Variants in TMEM132B observed in about 807,000 individuals in gnomAD.
The protein encoded by TMEM132B is transmembrane protein 132B.
Under a neutral mutation model 90.8 loss-of-function variants are expected in TMEM132B, and 18 were observed. That is an observed-to-expected ratio of 0.20 (90% CI 0.14 to 0.29). The LOEUF is 0.29. Among genes scored for constraint, TMEM132B ranks in the 10% least tolerant of loss-of-function variants. The pLI is 1.00. For missense variants in TMEM132B, 1,096 were observed against 1,326.8 expected, an observed-to-expected ratio of 0.83 and a Z score of 2.70; for synonymous variants, 504 against 523.3, an observed-to-expected ratio of 0.96 and a Z score of 0.50.
At chr12:125,612,841 A>T (rs1163578705) in intron 5 of TMEM132B, among the ~76,000 whole-genome samples, 6 of 76,356 alleles carry the variant, frequency 7.9e-5, no homozygotes, top group African/African-American at 2.3e-4. Flanking sequence ...TGTTTATATT[A>T]TATATATATT....
intron 1 of TMEM132B, among the ~76,000 whole-genome samples, chr12:125,336,808 C>A (rs542566498): frequency 6.6e-6 from 1 of 152,230 alleles, no homozygotes. Context: ...CCCGGGGCTC[C>A]AGCCCAGGTG....
Position 125,658,166 on chromosome 12 carries a change from T to C in TMEM132B, c.*3456T>C, listed in dbSNP as rs1887114719. The C allele has an allele frequency of 6.6e-6, 1 of 152,252 alleles. No individual in the cohort carries two copies. Among genetic ancestry groups the C allele is most frequent in the Non-Finnish European group, 1.5e-5 (1 of 68,046 alleles). The allele number at this position is 152,252 out of a possible 1,614,324, so 9.4% of individuals were successfully genotyped here. On this transcript the variant is annotated 3_prime_UTR_variant, in exon 9 of 9. Transcript: ENST00000682704. Reference sequence around the variant, plus strand: ...TCCCAGACTATAATAATCCTGACTATGTAGACGGAAGTTTCTATTTATAAA... The same window carrying C: ...TCCCAGACTATAATAATCCTGACTACGTAGACGGAAGTTTCTATTTATAAA...
chr12:125,336,798 C>G (rs1566005633), intron 1 of TMEM132B, among the ~76,000 whole-genome samples: 1 of 152,204 alleles, frequency 6.6e-6, no homozygotes, highest in East Asian at 1.9e-4. Flanking sequence ...TGATGGCAGA[C>G]CCGGGGCTCC....
intron 3 of TMEM132B, among the ~76,000 whole-genome samples, chr12:125,428,315 CT>C (rs1880390651): frequency 6.6e-6 from 1 of 151,962 alleles, no homozygotes; most frequent in Admixed American, 6.6e-5. Flanking sequence ...TTTATTTGGC[CT>C]TTTGTGTTGG....
intron 1 of TMEM132B, among the ~76,000 whole-genome samples, chr12:125,343,157 G>A (rs148147538): frequency 6.6e-6 from 1 of 152,220 alleles, no homozygotes; most frequent in Admixed American, 6.5e-5. Context: ...AGAGCATTTG[G>A]CCCAAATTGT....
intron 6 of TMEM132B, among the ~76,000 whole-genome samples, chr12:125,647,403 T>C (rs756205322): frequency 6.6e-6 from 1 of 152,206 alleles, no homozygotes; most frequent in Non-Finnish European, 1.5e-5. Context: ...GAAATCCATG[T>C]GAAGACACAT....
intron 3 of TMEM132B, among the ~76,000 whole-genome samples, chr12:125,437,558 A>G (rs1880741461): frequency 6.6e-6 from 1 of 152,172 alleles, no homozygotes. Context: ...CCAGCGATGT[A>G]AGAGGGTTTC....
chr12:125,478,773 A>G (rs1261265387), intron 3 of TMEM132B, among the ~76,000 whole-genome samples: 1 of 152,146 alleles, frequency 6.6e-6, no homozygotes, highest in Non-Finnish European at 1.5e-5. Flanking sequence ...CCACAAAGAT[A>G]CTCCTTGAGA....
intron 3 of TMEM132B, among the ~76,000 whole-genome samples, chr12:125,477,401 G>A (rs1212837145): frequency 2.0e-5 from 3 of 151,952 alleles, no homozygotes; most frequent in Non-Finnish European, 4.4e-5. Context: ...TCTCTCTCTG[G>A]CTCAATCCAC....
intron 1 of TMEM132B, among the ~76,000 whole-genome samples, chr12:125,290,164 C>T (rs543725819): frequency 6.6e-6 from 1 of 152,132 alleles, no homozygotes; most frequent in African/African-American, 2.4e-5. Flanking sequence ...TGAGTTTGGG[C>T]CGTAATTCAT....
chr12:125,299,189 G>A (rs550797931), intron 1 of TMEM132B, among the ~76,000 whole-genome samples: 163 of 152,258 alleles, frequency 1.1e-3, no homozygotes, highest in African/African-American at 3.5e-3. Flanking sequence ...TCTTGAACCC[G>A]CTTTTATGAG....
chr12:125,599,271 G>T (rs1593013929), intron 5 of TMEM132B, among the ~76,000 whole-genome samples: 1 of 152,288 alleles, frequency 6.6e-6, no homozygotes, highest in Non-Finnish European at 1.5e-5. Flanking sequence ...ATGTGCCTTT[G>T]CTCCTTCTTC....
chr12:125,582,689 G>A (rs776348515), intron 4 of TMEM132B, among the ~76,000 whole-genome samples: 10 of 152,226 alleles, frequency 6.6e-5, no homozygotes, highest in South Asian at 4.1e-4. Context: ...ATACTGTAGA[G>A]AACTTACTGT....
intron 5 of TMEM132B, among the ~76,000 whole-genome samples, chr12:125,617,925 C>G (rs1310174366): frequency 1.3e-5 from 2 of 149,884 alleles, no homozygotes; most frequent in African/African-American, 2.5e-5. Context: ...TCACCTGCAG[C>G]TGCCAGTCCC....
At chr12:125,210,368 G>A (rs374739635) in intron 1 of TMEM132B, among the ~76,000 whole-genome samples, 12 of 152,344 alleles carry the variant, frequency 7.9e-5, no homozygotes, top group African/African-American at 2.9e-4. Context: ...GGGGGCCAGA[G>A]CAGAGGGAGG....
At chr12:125,526,061 A>G (rs1883448315) in intron 4 of TMEM132B, among the ~76,000 whole-genome samples, 1 of 152,300 alleles carries the variant, frequency 6.6e-6, no homozygotes, top group African/African-American at 2.4e-5. Flanking sequence ...GAGGAGCTGC[A>G]CACACTCTGG....
intron 2 of TMEM132B, among the ~76,000 whole-genome samples, chr12:125,366,767 C>T (rs1011779220): frequency 3.9e-5 from 6 of 152,130 alleles, no homozygotes; most frequent in African/African-American, 1.4e-4. Flanking sequence ...TGCCTCATTT[C>T]CTTACTCCTC....
rs556047813 is a variant in TMEM132B at position 125,519,568 on chromosome 12, C to T, written c.1236C>T (p.Val412=). ...TTGAGGACTCCATGAGTGAGCTGGTCGTCTCCGAGATCTTCGTCAGCCAGA... is the reference window on the plus strand; with the variant it reads ...TTGAGGACTCCATGAGTGAGCTGGTTGTCTCCGAGATCTTCGTCAGCCAGA... ...YPIEDSMSEL[V]VSEIFVSQTT... is the part of the protein sequence containing the mutation. Residue 412 remains valine (V), a synonymous_variant, in exon 4 of 9, where the codon GTC becomes GTT. Transcript: ENST00000682704. 20 of 1,613,886 alleles carry T rather than the reference C, an allele frequency of 1.2e-5. No individual in the cohort carries two copies. Among genetic ancestry groups the T allele is most frequent in the Middle Eastern group, 1.7e-4 (1 of 6,058 alleles).
chr12:125,231,546 A>C (rs1349899339), intron 1 of TMEM132B, among the ~76,000 whole-genome samples: 1 of 152,184 alleles, frequency 6.6e-6, no homozygotes, highest in African/African-American at 2.4e-5. Context: ...AATCTGGCAC[A>C]TTTATATTGC....
Sources: allele counts gnomAD v4.1 joint callset (sites outside exome capture counted in the v4.1 genomes callset), GRCh38; gene constraint gnomAD v4.1.1; transcripts MANE v1.5; gene names NCBI Gene and HGNC (gene_info 2026-07-23, HGNC 2026-07-21).